MIB1: variants seen among roughly 807,000 people sequenced by gnomAD.
MIB1 encodes the protein MIB E3 ubiquitin protein ligase 1, also known as E3 ubiquitin-protein ligase MIB1.
A neutral mutation model predicts 124.5 loss-of-function variants in MIB1; 278 were observed. The observed-to-expected ratio is 2.23, with a 90% CI of 2.02 to 2.47. The LOEUF is 2.47. Among genes scored for constraint, MIB1 ranks in the 30% most tolerant of loss-of-function variants. The pLI is 0.00. For synonymous variants in MIB1, 446 were observed against 429.4 expected (o/e 1.04, Z -0.48); for missense variants, 957 against 1,254.4 (o/e 0.76, Z 3.58).
chr18:21,806,894 T>A (rs1378908421), intron 10 of MIB1, among the ~76,000 whole-genome samples: 1 of 152,216 alleles, frequency 6.6e-6, no homozygotes, highest in Non-Finnish European at 1.5e-5. Context: ...ACACTGGGAT[T>A]ACAGGCGTGA....
chr18:21,772,187 A>C (rs1166262994), intron 3 of MIB1, among the ~76,000 whole-genome samples: 2 of 152,206 alleles, frequency 1.3e-5, no homozygotes, highest in African/African-American at 2.4e-5. Context: ...GATGAAAAAG[A>C]ATGGTCATTA....
rs1227065192 is a variant in MIB1 at position 21,870,413 on chromosome 18, A to G, written c.*5747A>G. 1.3e-5 allele frequency: 2 copies of G among 152,174 alleles called. No individual in the cohort carries two copies. The highest frequency in any genetic ancestry group is 3.8e-4 in the East Asian group (2 of 5,200). The allele number at this position is 152,174 out of a possible 1,614,324, so 9.4% of individuals were successfully genotyped here. ...GGTACCTCTATCTAAAGGGCCAAAGAAGCATTTCATATTTTAACACCTCAC... is the reference window on the plus strand; with the variant it reads ...GGTACCTCTATCTAAAGGGCCAAAGGAGCATTTCATATTTTAACACCTCAC... On this transcript the variant is annotated 3_prime_UTR_variant, in exon 21 of 21. Transcript: ENST00000261537.
intron 1 of MIB1, among the ~76,000 whole-genome samples, chr18:21,754,299 G>A (rs1418109231): frequency 6.6e-6 from 1 of 152,196 alleles, no homozygotes; most frequent in East Asian, 1.9e-4. Flanking sequence ...GATACCTGAG[G>A]TCAACCATGG....
At chr18:21,789,215 C>G (rs999740298) in intron 6 of MIB1, among the ~76,000 whole-genome samples, 7 of 151,874 alleles carry the variant, frequency 4.6e-5, no homozygotes, top group Non-Finnish European at 8.8e-5. Context: ...TCCCAGCAAT[C>G]TTTGTTCCTT....
chr18:21,705,011 C>A (rs978569868), exon 1 of MIB1: 2 of 186,992 alleles, frequency 1.1e-5, no homozygotes, highest in African/African-American at 2.3e-5. Flanking sequence ...AAGGGTGGGC[C>A]GAGAGCTGAC....
intron 9 of MIB1, among the ~76,000 whole-genome samples, chr18:21,800,330 T>G: frequency 6.6e-6 from 1 of 152,166 alleles, no homozygotes; most frequent in South Asian, 2.1e-4. Context: ...TTTCTTTTTA[T>G]TTTTAATTTT....
At chr18:21,745,511 AGTATGCCACGTAAAG>A (rs1243794403) in intron 1 of MIB1, among the ~76,000 whole-genome samples, 1 of 152,186 alleles carries the variant, frequency 6.6e-6, no homozygotes, top group Non-Finnish European at 1.5e-5. Flanking sequence ...GCGTGGTAAA[AGTATGCCACGTAAAG>A]GTAAGATAAA....
At chr18:21,809,390 A>G (rs2041745122) in intron 10 of MIB1, among the ~76,000 whole-genome samples, 1 of 152,074 alleles carries the variant, frequency 6.6e-6, no homozygotes, top group African/African-American at 2.4e-5. Context: ...AGAGGAGGGA[A>G]GACTTCCTAA....
At chr18:21,747,540 C>T (rs1469298977) in intron 1 of MIB1, among the ~76,000 whole-genome samples, 2 of 152,204 alleles carry the variant, frequency 1.3e-5, no homozygotes, top group Non-Finnish European at 2.9e-5. Context: ...TCTCCTTTTC[C>T]TTTCAACAGA....
chr18:21,789,068 T>C (rs937675162), intron 6 of MIB1, among the ~76,000 whole-genome samples: 2 of 152,198 alleles, frequency 1.3e-5, no homozygotes, highest in South Asian at 2.1e-4. Flanking sequence ...TACCATAGAC[T>C]GGGTGGCTTA....
rs2041922787 is a variant in MIB1, at chr18:21,826,109, CA to C, written c.1829+6465del. The C allele has an allele frequency of 2.8e-5, 5 of 180,812 alleles. No homozygotes were observed. In the South Asian group the frequency reaches 3.9e-4, roughly 14 times the overall value. 11.2% of individuals were successfully genotyped at this position (180,812 alleles called of 1,614,324 possible). On this transcript the variant is annotated intron_variant, in intron 12 of 20. Transcript: ENST00000261537. ...TGTAGACAATAAGCTATTTCAAAAC[CA>C]ATAGTATTTAAAGGAACAAATAGAC...
intron 3 of MIB1, among the ~76,000 whole-genome samples, chr18:21,770,083 A>G (rs971021960): frequency 2.0e-5 from 3 of 151,976 alleles, no homozygotes; most frequent in African/African-American, 7.3e-5. Context: ...ACATGCCTAT[A>G]GTCCCAGCTA....
intron 1 of MIB1, among the ~76,000 whole-genome samples, chr18:21,755,728 T>C (rs1233429108): frequency 6.6e-6 from 1 of 152,236 alleles, no homozygotes; most frequent in Non-Finnish European, 1.5e-5. Context: ...AGTCCAGACA[T>C]TCATTTTTGG....
Position 21,869,599 on chromosome 18 carries a change from C to A in MIB1, c.*4933C>A, listed in dbSNP as rs563328094. ...TTAAAGGAAGTTTTCTAGATTTGCACTTGATGTTTGTTTTTTAAAAACTGA... is the reference window on the plus strand; with the variant it reads ...TTAAAGGAAGTTTTCTAGATTTGCAATTGATGTTTGTTTTTTAAAAACTGA... On this transcript the variant is annotated 3_prime_UTR_variant, in exon 21 of 21. Coordinates refer to ENST00000261537, the MANE Select transcript of MIB1 (RefSeq NM_020774.4). 1.3e-5 allele frequency: 2 copies of A among 152,516 alleles called. No individual in the cohort carries two copies. Among genetic ancestry groups the A allele is most frequent in the South Asian group, 4.1e-4 (2 of 4,830 alleles). 9.4% of individuals were successfully genotyped at this position (152,516 alleles called of 1,614,324 possible).
chr18:21,805,028 T>A (rs575767467), intron 10 of MIB1, among the ~76,000 whole-genome samples: 284 of 152,228 alleles, frequency 1.9e-3, no homozygotes, highest in Middle Eastern at 6.8e-3. Context: ...TTAATTAATT[T>A]TTGAGGCAGA....
At chr18:21,851,198 G>A (rs1568227187) in intron 17 of MIB1, among the ~76,000 whole-genome samples, 2 of 152,134 alleles carry the variant, frequency 1.3e-5, no homozygotes, top group Non-Finnish European at 1.5e-5. Flanking sequence ...GTTCTTGAAT[G>A]CAGGTCTCTT....
intron 1 of MIB1, among the ~76,000 whole-genome samples, chr18:21,749,149 A>G (rs1463208960): frequency 6.6e-6 from 1 of 152,138 alleles, no homozygotes; most frequent in African/African-American, 2.4e-5. Flanking sequence ...TTCCTTATAA[A>G]TAATCTAATA....
At chr18:21,798,878 A>G (rs974405279) in intron 8 of MIB1, among the ~76,000 whole-genome samples, 6 of 152,118 alleles carry the variant, frequency 3.9e-5, no homozygotes, top group African/African-American at 1.2e-4. Flanking sequence ...TAGAACTATA[A>G]CTATAAATAG....
intron 1 of MIB1, among the ~76,000 whole-genome samples, chr18:21,708,212 A>G (rs748108337): frequency 1.6e-4 from 24 of 151,312 alleles, no homozygotes; most frequent in Non-Finnish European, 2.6e-4. Context: ...ACCTAGGAGT[A>G]AAAAACAGCT....
Sources: gnomAD v4.1 joint callset for allele counts (sites outside exome capture counted in the v4.1 genomes callset) on GRCh38, gnomAD v4.1.1 for gene constraint, MANE v1.5 for transcripts, NCBI Gene and HGNC (gene_info 2026-07-23, HGNC 2026-07-21) for gene names.